KRT8: variants seen among roughly 807,000 people sequenced by gnomAD.
KRT8 encodes keratin, type II cytoskeletal 8.
Under a neutral mutation model 43.0 loss-of-function variants are expected in KRT8, and 24 were observed. The observed-to-expected ratio is 0.56, with a 90% CI of 0.40 to 0.78. The LOEUF is 0.78. Among genes scored for constraint, KRT8 ranks in the 30% least tolerant of loss-of-function variants. KRT8 has a pLI of 0.00. For missense variants in KRT8, 492 were observed against 638.4 expected, an observed-to-expected ratio of 0.77 and a Z score of 2.47; for synonymous variants, 214 against 261.2, an observed-to-expected ratio of 0.82 and a Z score of 1.74.
At chr12:52,897,475 G>A (rs1391855906) in exon 8 of KRT8, 47 of 1,599,250 alleles carry the variant, frequency 2.9e-5, no homozygotes, top group Non-Finnish European at 3.7e-5. Flanking sequence ...TTCCCATCAC[G>A]TGTCTCGATC....
At chr12:52,917,692 G>A (rs1941768321) in intron 2 of KRT8, among the ~76,000 whole-genome samples, 1 of 142,394 alleles carries the variant, frequency 7.0e-6, no homozygotes, top group African/African-American at 2.7e-5. Context: ...CTGGGTGATA[G>A]GGCGAGACTC....
intron 2 of KRT8, among the ~76,000 whole-genome samples, chr12:52,922,482 G>T (rs937381176): frequency 2.6e-5 from 4 of 152,190 alleles, no homozygotes; most frequent in African/African-American, 9.7e-5. Context: ...AGGCCAGCCT[G>T]GCCAACATGG....
intron 2 of KRT8, among the ~76,000 whole-genome samples, chr12:52,930,106 A>C (rs1468567969): frequency 6.6e-6 from 1 of 152,230 alleles, no homozygotes; most frequent in African/African-American, 2.4e-5. Flanking sequence ...CATGTAAAGC[A>C]CATAGAATGG....
intron 2 of KRT8, among the ~76,000 whole-genome samples, chr12:52,913,427 G>T (rs1427251549): frequency 6.6e-6 from 1 of 152,228 alleles, no homozygotes; most frequent in African/African-American, 2.4e-5. Context: ...TCTGGCTTCA[G>T]ACTGAAAACA....
At chr12:52,920,157 A>T (rs1170278491) in intron 2 of KRT8, among the ~76,000 whole-genome samples, 4 of 152,214 alleles carry the variant, frequency 2.6e-5, no homozygotes, top group Non-Finnish European at 4.4e-5. Flanking sequence ...TAATAATGTC[A>T]ATAACTCAAA....
intron 2 of KRT8, among the ~76,000 whole-genome samples, chr12:52,930,753 G>T (rs939852463): frequency 6.7e-6 from 1 of 149,276 alleles, no homozygotes; most frequent in Non-Finnish European, 1.5e-5. Context: ...TAGAGACAGG[G>T]TCTTGCTCTG....
At chr12:52,897,747 T>A in intron 7 of KRT8, 129 bp from the exon 8 acceptor site, 1 of 1,243,210 alleles carries the variant, frequency 8.0e-7, no homozygotes, top group Non-Finnish European at 1.1e-6. Flanking sequence ...GCCTGATCAG[T>A]GATTGCATGG....
At chr12:52,926,331 T>TGGCCCCCCCCCCCCCCCCCCCCCCCAGGG in intron 2 of KRT8, 1 of 701,186 alleles carries the variant, frequency 1.4e-6, no homozygotes. Context: ...TGGCACTAGC[T>TGGCCCCCCCCCCCCCCCCCCCCCCCAGGG]GCCCTCCCCA....
chr12:52,904,596 G>T, intron 1 of KRT8, 62 bp downstream of exon 1: 2 of 1,474,884 alleles, frequency 1.4e-6, no homozygotes, highest in South Asian at 1.1e-5. Flanking sequence ...TGTGCATAGG[G>T]ACCGGGACTA....
chr12:52,907,972 C>A (rs1020022620), upstream of KRT8, among the ~76,000 whole-genome samples: 15 of 152,340 alleles, frequency 9.8e-5, no homozygotes, highest in African/African-American at 3.6e-4. Flanking sequence ...AAGGGAACAA[C>A]GTGTTTGCGG....
At chr12:52,930,319 G>A (rs1247167143) in intron 2 of KRT8, among the ~76,000 whole-genome samples, 3 of 151,966 alleles carry the variant, frequency 2.0e-5, no homozygotes, top group African/African-American at 7.3e-5. Flanking sequence ...CCAGGTTCAA[G>A]CGATTCTGCT....
intron 5 of KRT8, 184 bp from the exon 6 acceptor site, chr12:52,899,083 G>A (rs1419423027): frequency 1.6e-6 from 1 of 627,930 alleles, no homozygotes; most frequent in Non-Finnish European, 2.9e-6. Flanking sequence ...GGGAGGCCGA[G>A]GCGGGCAGAT....
chr12:52,931,318 C>T (rs886607379), intron 2 of KRT8, among the ~76,000 whole-genome samples: 2 of 151,986 alleles, frequency 1.3e-5, no homozygotes, highest in South Asian at 4.2e-4. Context: ...CCTCCCGCCT[C>T]GGCCTCCCAA....
intron 2 of KRT8, among the ~76,000 whole-genome samples, chr12:52,919,163 GC>G (rs1941835634): frequency 6.6e-6 from 1 of 152,176 alleles, no homozygotes; most frequent in Admixed American, 6.5e-5. Context: ...ACGCCCACTT[GC>G]TTTCCCCAAC....
chr12:52,917,954 GGAAGAA>G (rs1206893042), intron 2 of KRT8, among the ~76,000 whole-genome samples: 1 of 138,424 alleles, frequency 7.2e-6, no homozygotes, highest in Non-Finnish European at 1.5e-5. Context: ...AAGAGGAAGA[GGAAGAA>G]GAAGAAGAGG....
chr12:52,937,268 G>C (rs1942183167), intron 2 of KRT8, among the ~76,000 whole-genome samples: 1 of 152,050 alleles, frequency 6.6e-6, no homozygotes, highest in Admixed American at 6.6e-5. Flanking sequence ...CCACTTGGGA[G>C]GCTGAGGCAG....
At chr12:52,898,340 C>T (rs768660311) in intron 7 of KRT8, 121 bp downstream of exon 7, 3 of 819,160 alleles carry the variant, frequency 3.7e-6, no homozygotes, top group Non-Finnish European at 6.1e-6. Context: ...TAGGATTCTC[C>T]CAAGAACATG....
chr12:52,946,318 C>T (rs539289413), intron 2 of KRT8, among the ~76,000 whole-genome samples: 3 of 152,224 alleles, frequency 2.0e-5, no homozygotes, highest in East Asian at 1.9e-4. Flanking sequence ...GCCCGTCTTT[C>T]GAATTAAATT....
At chr12:52,917,532 A>C (rs2120638766) in intron 2 of KRT8, among the ~76,000 whole-genome samples, 1 of 151,058 alleles carries the variant, frequency 6.6e-6, no homozygotes, top group Non-Finnish European at 1.5e-5. Flanking sequence ...ATATGGTGAA[A>C]CCCTGTCTCT....
Sources: allele counts gnomAD v4.1 joint callset (sites outside exome capture counted in the v4.1 genomes callset), GRCh38; gene constraint gnomAD v4.1.1; transcripts MANE v1.5; gene names NCBI Gene and HGNC (gene_info 2026-07-23, HGNC 2026-07-21).